The following TTBK2 variants were observed in gnomAD, a reference collection of about 807,000 sequenced individuals.
The protein encoded by TTBK2 is tau tubulin kinase 2, also known as tau-tubulin kinase 2.
TTBK2 carries 28 observed loss-of-function variants against 110.8 expected under a neutral mutation model. The observed-to-expected ratio is 0.25, with a 90% CI of 0.19 to 0.35. The LOEUF (loss-of-function observed/expected upper bound fraction) is 0.35. Among genes scored for constraint, TTBK2 ranks in the 10% least tolerant of loss-of-function variants. The probability of loss-of-function intolerance (pLI) is 1.00; values close to 1 mark genes in which losing one functional copy is unlikely to be tolerated. For synonymous variants in TTBK2, 532 were observed against 527.3 expected (o/e 1.01, Z -0.12); for missense variants, 1,369 against 1,500.3 (o/e 0.91, Z 1.45).
Position 42,794,670 on chromosome 15 carries a change from G to A in TTBK2, c.954C>T (p.His318=), listed in dbSNP as rs1184245646. The change falls in exon 10 of 15, where the codon CAC becomes CAT. Residue 318 remains histidine (H), a synonymous_variant. Coordinates refer to ENST00000267890, the MANE Select transcript of TTBK2 (RefSeq NM_173500.4). The part of the protein sequence containing the change: ...TTTTSTTPQL[H]TRLTPAAIGI... ...CAATTGCAGCAGGGGTCAAGCGAGT[G>A]TGCAACTGAGGGGTGGTAGAAGTAG... 1.9e-6 allele frequency: 3 copies of A among 1,614,032 alleles called. No individual in the cohort carries two copies. Among genetic ancestry groups the A allele is most frequent in the African/African-American group, 2.7e-5 (2 of 74,906 alleles).
chr15:42,761,365 A>G (rs1252529822), intron 13 of TTBK2, among the ~76,000 whole-genome samples: 1 of 152,252 alleles, frequency 6.6e-6, no homozygotes, highest in Non-Finnish European at 1.5e-5. Flanking sequence ...AGCAAAGGAA[A>G]CAGTCAATAG....
rs117378584 is a variant in TTBK2 at position 42,844,170 on chromosome 15, T to C, written c.218-3737A>G. Reference sequence around the variant, plus strand: ...AGAAGAACCTGCTAGGCTGTAACAGTACCTGGCACAATACCCACAATACCT... The same window carrying C: ...AGAAGAACCTGCTAGGCTGTAACAGCACCTGGCACAATACCCACAATACCT... On this transcript the variant is annotated intron_variant, in intron 3 of 14. Transcript: ENST00000267890. Among the ~76,000 whole-genome samples, 335 of 152,314 alleles carry C rather than the reference T, an allele frequency of 2.2e-3. 11 individuals carry two copies. The East Asian group carries it at 0.053, about 24-fold the overall frequency.
chr15:42,837,365 A>T, intron 4 of TTBK2, among the ~76,000 whole-genome samples: 1 of 151,422 alleles, frequency 6.6e-6, no homozygotes. Flanking sequence ...CTCAAAAAAA[A>T]AAAAAAAAAA....
intron 9 of TTBK2, chr15:42,802,462 T>C: frequency 1.5e-6 from 1 of 667,304 alleles, no homozygotes; most frequent in East Asian, 2.8e-5. Flanking sequence ...GAGAAGCTGC[T>C]TCTTGGTCTG....
At chr15:42,894,837 C>T (rs1895604293) in intron 1 of TTBK2, among the ~76,000 whole-genome samples, 2 of 152,048 alleles carry the variant, frequency 1.3e-5, no homozygotes, top group South Asian at 4.1e-4. Flanking sequence ...AAACTGAATC[C>T]AGCAATACAT....
rs141703375 is a variant in TTBK2, at chr15:42,862,906, T to G, written c.217+9705A>C. ...TCTGTTGCAAAAATAAACAAATAAATTAATTAATTAATAAAAATAATAGCC... is the reference window on the plus strand; with the variant it reads ...TCTGTTGCAAAAATAAACAAATAAAGTAATTAATTAATAAAAATAATAGCC... On this transcript the variant is annotated intron_variant, in intron 3 of 14. Coordinates refer to ENST00000267890, the MANE Select transcript of TTBK2 (RefSeq NM_173500.4). Among the ~76,000 whole-genome samples, 12 of 151,736 alleles carry G rather than the reference T, an allele frequency of 7.9e-5. No homozygotes were observed. In the East Asian group the frequency reaches 1.7e-3, roughly 22 times the overall value.
intron 11 of TTBK2, among the ~76,000 whole-genome samples, chr15:42,778,168 A>G (rs1410474435): frequency 6.6e-6 from 1 of 152,102 alleles, no homozygotes; most frequent in Non-Finnish European, 1.5e-5. Context: ...TAGACCAGCT[A>G]TGCATAAATG....
rs964464006 is a variant in TTBK2, at chr15:42,752,516, G to A, written c.2730C>T (p.Thr910=). Residue 910 remains threonine (T), a synonymous_variant, in exon 14 of 15, where the codon ACC becomes ACT. Coordinates refer to ENST00000267890, the MANE Select transcript of TTBK2 (RefSeq NM_173500.4). Reference sequence around the variant, plus strand: ...AATGAAATAGTTCTCCATTTCTAGGGGTGATTTTCTCTCTCTTGCCCTCTT... The same window carrying A: ...AATGAAATAGTTCTCCATTTCTAGGAGTGATTTTCTCTCTCTTGCCCTCTT... The part of the protein sequence containing the change: ...LHQEGKREKI[T]PRNGELFHCV... The A allele has an allele frequency of 6.2e-7, 1 of 1,614,106 alleles. No individual in the cohort carries two copies. Among genetic ancestry groups the A allele is most frequent in the East Asian group, 2.2e-5 (1 of 44,878 alleles).
chr15:42,815,450 T>C (rs1567039880), intron 7 of TTBK2, among the ~76,000 whole-genome samples: 1 of 152,152 alleles, frequency 6.6e-6, no homozygotes, highest in East Asian at 1.9e-4. Flanking sequence ...AATACTTTTT[T>C]CCCTATTTTA....
Position 42,777,181 on chromosome 15 carries a change from A to G in TTBK2, c.1259T>C (p.Leu420Pro), listed in dbSNP as rs985375143. 5 of 1,614,102 alleles carry G rather than the reference A, an allele frequency of 3.1e-6. No homozygotes were observed. The African/African-American group carries it at 5.3e-5, about 17-fold the overall frequency. Reference protein sequence around the residue: ...QANGLLNAPSLGSPIRVRSEI... With the variant: ...QANGLLNAPSPGSPIRVRSEI... Reference sequence around the variant, plus strand: ...TGAGCGGACACGAATTGGTGACCCAAGGCTTGGAGCATTGAGAAGACCATT... The same window carrying G: ...TGAGCGGACACGAATTGGTGACCCAGGGCTTGGAGCATTGAGAAGACCATT... Residue 420 changes from leucine to proline, a missense_variant, in exon 12 of 15, where the codon CTT becomes CCT. Around this residue, in one of 4 missense-constraint regions of TTBK2, gnomAD observed 1,097 missense variants for 1,114.7 expected, o/e 0.98. Coordinates refer to ENST00000267890, the MANE Select transcript of TTBK2 (RefSeq NM_173500.4).
chr15:42,743,787 C>G lies in TTBK2; in HGVS notation c.*2008G>C, dbSNP rs1396125393. The G allele has an allele frequency of 6.6e-6, 1 of 152,142 alleles. No individual in the cohort carries two copies. The highest frequency in any genetic ancestry group is 6.5e-5 in the Admixed American group (1 of 15,276). The allele number at this position is 152,142 out of a possible 1,614,324, so 9.4% of individuals were successfully genotyped here. A position where few individuals can be genotyped will look rare whatever the true frequency, so the allele number is the denominator to read the frequency against. Reference sequence around the variant, plus strand: ...CTTGGCTTGTTAAATACTGCCCACCCTTGCATTGTACACAGGGAAGGCAAG... The same window carrying G: ...CTTGGCTTGTTAAATACTGCCCACCGTTGCATTGTACACAGGGAAGGCAAG... On this transcript the variant is annotated 3_prime_UTR_variant, in exon 15 of 15. Transcript: ENST00000267890.
At chr15:42,891,527 AG>A (rs1895455746) in intron 1 of TTBK2, among the ~76,000 whole-genome samples, 2 of 151,860 alleles carry the variant, frequency 1.3e-5, no homozygotes, top group African/African-American at 4.8e-5. Flanking sequence ...TGGATAAAAA[AG>A]AAAAAAAAAA....
intron 14 of TTBK2, 51 bp from the exon 15 acceptor site, chr15:42,746,308 C>A: frequency 1.4e-6 from 2 of 1,417,460 alleles, no homozygotes; most frequent in Non-Finnish European, 1.9e-6. Flanking sequence ...TTCAAGTGTG[C>A]CTAAAAAGTC....
chr15:42,801,612 C>A, intron 9 of TTBK2: 1 of 797,496 alleles, frequency 1.3e-6, no homozygotes. Flanking sequence ...GCAATCTCCT[C>A]GTACTGCACC....
chr15:42,810,008 A>G (rs756251449), intron 9 of TTBK2, among the ~76,000 whole-genome samples: 2 of 152,202 alleles, frequency 1.3e-5, no homozygotes, highest in Non-Finnish European at 2.9e-5. Flanking sequence ...TTATGTTTTC[A>G]GTGGTAGCAA....
At chr15:42,851,507 T>C (rs1475246199) in intron 3 of TTBK2, among the ~76,000 whole-genome samples, 1 of 152,080 alleles carries the variant, frequency 6.6e-6, no homozygotes, top group Non-Finnish European at 1.5e-5. Context: ...TTCAGGTGAA[T>C]AGAAAATAAA....
chr15:42,802,400 T>A (rs780323437), intron 9 of TTBK2: 3 of 749,638 alleles, frequency 4.0e-6, no homozygotes, highest in East Asian at 5.1e-5. Flanking sequence ...GTCACCCTGA[T>A]GGACATGGTG....
chr15:42,854,077 C>T (rs963605561), intron 3 of TTBK2, among the ~76,000 whole-genome samples: 21 of 151,802 alleles, frequency 1.4e-4, no homozygotes, highest in African/African-American at 3.9e-4. Context: ...CTGGGTCCAC[C>T]GGCGCACATG....
At chr15:42,853,156 T>C (rs1332776698) in intron 3 of TTBK2, among the ~76,000 whole-genome samples, 1 of 152,146 alleles carries the variant, frequency 6.6e-6, no homozygotes, top group Non-Finnish European at 1.5e-5. Context: ...GTTCCTCTCC[T>C]ATAACAGTAA....
Sources: allele counts gnomAD v4.1 joint callset (sites outside exome capture counted in the v4.1 genomes callset), GRCh38; gene constraint gnomAD v4.1.1; regional missense constraint gnomAD v4.1.1; transcripts MANE v1.5; gene names NCBI Gene and HGNC (gene_info 2026-07-23, HGNC 2026-07-21).